Variants in FANCI observed in about 807,000 individuals in gnomAD.
FANCI encodes Fanconi anemia group I protein.
Under a neutral mutation model 176.1 loss-of-function variants are expected in FANCI, and 156 were observed. That is an observed-to-expected ratio of 0.89 (90% CI 0.78 to 1.01). FANCI has a LOEUF of 1.01. FANCI is among the 50% of genes least tolerant of loss of function. FANCI has a pLI of 0.00. For missense variants in FANCI, 1,678 were observed against 1,534.1 expected, an observed-to-expected ratio of 1.09 and a Z score of -1.57; for synonymous variants, 613 against 541.7, an observed-to-expected ratio of 1.13 and a Z score of -1.83.
intron 8 of FANCI, 53 bp downstream of exon 8, chr15:89,264,079 C>G: frequency 6.2e-7 from 1 of 1,603,994 alleles, no homozygotes; most frequent in East Asian, 2.2e-5. Context: ...CCAGTTATGA[C>G]CATTCAACTT....
At chr15:89,303,706 T>C (rs1001683333) in intron 27 of FANCI, among the ~76,000 whole-genome samples, 158 bp from the exon 28 acceptor site, 1 of 152,200 alleles carries the variant, frequency 6.6e-6, no homozygotes, top group African/African-American at 2.4e-5. Context: ...TTGGACTTAT[T>C]TTTATGCCCT....
rs1324852447 is a variant in FANCI at position 89,293,948 on chromosome 15, A to T, written c.2407A>T (p.Ser803Cys). ...KTKMANKTSD[S>C]LLSMKFVSSL... Reference sequence around the variant, plus strand: ...TAAAATGGCCAACAAGACAAGTGATAGTCTTTTGTCCATGAAATTTGTGTC... The same window carrying T: ...TAAAATGGCCAACAAGACAAGTGATTGTCTTTTGTCCATGAAATTTGTGTC... The change falls in exon 23 of 38, where the codon AGT (serine) becomes TGT (cysteine). Residue 803 changes from serine to cysteine, a missense_variant. Around this residue, in one of 3 missense-constraint regions of FANCI, gnomAD observed 1,204 missense variants for 1,077.4 expected, o/e 1.12. Coordinates refer to ENST00000310775, the MANE Select transcript of FANCI (RefSeq NM_001113378.2). 1.2e-6 allele frequency: 2 copies of T among 1,614,154 alleles called. No homozygotes were observed. Among genetic ancestry groups the T allele is most frequent in the Non-Finnish European group, 8.5e-7 (1 of 1,180,016 alleles).
chr15:89,283,147 C>G lies in FANCI; in HGVS notation c.1595C>G (p.Ala532Gly). 14 of 1,614,104 alleles carry G rather than the reference C, an allele frequency of 8.7e-6. No individual in the cohort carries two copies. The highest frequency in any genetic ancestry group is 1.2e-5 in the Non-Finnish European group (14 of 1,179,996). The change falls in exon 17 of 38, where the codon GCC becomes GGC. Residue 532 changes from alanine (A) to glycine (G), a missense_variant. This residue lies in a region of FANCI where 1,204 missense variants were observed against 1,077.4 expected (regional missense o/e 1.12). Coordinates refer to ENST00000310775, the MANE Select transcript of FANCI (RefSeq NM_001113378.2). Reference sequence around the variant, plus strand: ...TATTTCTGAGCTAGCCAGCTTGATGCCCGAAAATCTGCAGTTGCTGGGTTT... The same window carrying G: ...TATTTCTGAGCTAGCCAGCTTGATGGCCGAAAATCTGCAGTTGCTGGGTTT... ...RKAMFANQLD[A>G]RKSAVAGFLL...
At chr15:89,264,104 T>G in intron 8 of FANCI, 78 bp downstream of exon 8, 2 of 1,529,022 alleles carry the variant, frequency 1.3e-6, no homozygotes, top group Non-Finnish European at 1.8e-6. Flanking sequence ...ATACCCTTGG[T>G]TTATATAGCA....
chr15:89,253,263 A>G (rs1214414961), intron 2 of FANCI, among the ~76,000 whole-genome samples: 1 of 152,240 alleles, frequency 6.6e-6, no homozygotes, highest in Non-Finnish European at 1.5e-5. Context: ...CTGGATGGAC[A>G]TTTGGAAAAA....
intron 2 of FANCI, among the ~76,000 whole-genome samples, chr15:89,249,106 C>T (rs2052118919): frequency 6.6e-6 from 1 of 152,132 alleles, no homozygotes; most frequent in South Asian, 2.1e-4. Flanking sequence ...TTGTATGATT[C>T]TGCTGACCGT....
Position 89,293,029 on chromosome 15 carries a change from T to C in FANCI, c.2257T>C (p.Leu753=). ...TCTTGTGATGGGAGTTTGTGAGGTT[T>C]TAATAGAATACAATTTCTCCATAAG... The part of the protein sequence containing the change: ...AFLVMGVCEV[L]IEYNFSISSF... The change falls in exon 22 of 38, where the codon TTA becomes CTA. Residue 753 remains leucine (L), a synonymous_variant. Transcript: ENST00000310775. 1 of 1,614,014 alleles carries C rather than the reference T, an allele frequency of 6.2e-7. No individual in the cohort carries two copies. The highest frequency in any genetic ancestry group is 8.5e-7 in the Non-Finnish European group (1 of 1,179,962).
At position 89,305,206 on chromosome 15, in the gene FANCI, C is replaced by A; in HGVS notation, c.3150C>A (p.Ser1050=). The A allele has an allele frequency of 6.2e-7, 1 of 1,614,132 alleles. No individual in the cohort carries two copies. ...KSPVILLRDL[S]QDIHGHLGDI... Reference sequence around the variant, plus strand: ...CTGTCATTCTGCTGCGTGACTTGTCCCAGGATATCCACGGGCATCTGGGAG... The same window carrying A: ...CTGTCATTCTGCTGCGTGACTTGTCACAGGATATCCACGGGCATCTGGGAG... The change falls in exon 29 of 38, where the codon TCC becomes TCA. Residue 1050 remains serine (S), a synonymous_variant. Coordinates refer to ENST00000310775, the MANE Select transcript of FANCI (RefSeq NM_001113378.2).
At chr15:89,265,651 G>A (rs2052913565) in intron 9 of FANCI, among the ~76,000 whole-genome samples, 1 of 151,988 alleles carries the variant, frequency 6.6e-6, no homozygotes, top group Non-Finnish European at 1.5e-5. Context: ...AGCCTCCTGA[G>A]TAGCTGAGAT....
chr15:89,267,678 A>G (rs2053026725), intron 9 of FANCI, among the ~76,000 whole-genome samples: 1 of 152,120 alleles, frequency 6.6e-6, no homozygotes, highest in Admixed American at 6.5e-5. Context: ...TGTGATCCCA[A>G]CGTTTTGGGA....
chr15:89,313,038 A>C, intron 35 of FANCI, 66 bp downstream of exon 35: 1 of 1,468,780 alleles, frequency 6.8e-7, no homozygotes, highest in Non-Finnish European at 9.5e-7. Flanking sequence ...AAGCGGAAGA[A>C]GCCAGTGACA....
intron 10 of FANCI, among the ~76,000 whole-genome samples, chr15:89,271,499 T>C (rs2053199852): frequency 6.6e-6 from 1 of 152,218 alleles, no homozygotes; most frequent in Non-Finnish European, 1.5e-5. Context: ...TTTCTTTTTA[T>C]TGTTTTGTTT....
intron 13 of FANCI, 104 bp downstream of exon 13, chr15:89,276,995 A>T: frequency 8.5e-7 from 1 of 1,175,182 alleles, no homozygotes; most frequent in Non-Finnish European, 1.3e-6. Context: ...TTGAGTATGT[A>T]TTAGTTTGAC....
Position 89,289,465 on chromosome 15 carries a change from T to C in FANCI, c.1822-748T>C, listed in dbSNP as rs141317483. Among the ~76,000 whole-genome samples, 795 of 152,130 alleles carry C rather than the reference T, an allele frequency of 5.2e-3. 5 individuals are homozygous for C. The highest frequency in any genetic ancestry group is 0.018 in the African/African-American group (761 of 41,488). The stretch of plus-strand genomic sequence containing the variant: ...GATCACAGGCGTGCATCACCATGCC[T>C]GGCTAATTTTTATATTTTTAGTAGA... On this transcript the variant is annotated intron_variant, in intron 18 of 37. Transcript: ENST00000310775.
chr15:89,273,219 C>T (rs867727416), intron 10 of FANCI, among the ~76,000 whole-genome samples, 158 bp from the exon 11 acceptor site: 19 of 150,942 alleles, frequency 1.3e-4, no homozygotes, highest in African/African-American at 4.1e-4. Flanking sequence ...CAGGAGGATC[C>T]GTTGAGCCTG....
chr15:89,265,953 T>C (rs1276875942), intron 9 of FANCI, among the ~76,000 whole-genome samples: 3 of 149,912 alleles, frequency 2.0e-5, no homozygotes, highest in Non-Finnish European at 4.4e-5. Flanking sequence ...ACAAAGAATT[T>C]AGTTAGTTTG....
chr15:89,310,490 G>A (rs549059015), intron 34 of FANCI, among the ~76,000 whole-genome samples: 24 of 152,290 alleles, frequency 1.6e-4, no homozygotes, highest in African/African-American at 5.8e-4. Context: ...ACAGTAATCA[G>A]TTTCATTTCC....
intron 28 of FANCI, 105 bp downstream of exon 28, chr15:89,304,020 A>C: frequency 1.8e-6 from 2 of 1,097,462 alleles, no homozygotes; most frequent in East Asian, 4.8e-5. Context: ...CATTCACCAG[A>C]GTGGCCAAAA....
chr15:89,257,100 G>T (rs1183350299), intron 2 of FANCI, among the ~76,000 whole-genome samples: 1 of 152,074 alleles, frequency 6.6e-6, no homozygotes, highest in Admixed American at 6.6e-5. Context: ...TAGAGACGGG[G>T]TTTCACCGTG....
Sources: allele counts gnomAD v4.1 joint callset (sites outside exome capture counted in the v4.1 genomes callset), GRCh38; gene constraint gnomAD v4.1.1; regional missense constraint gnomAD v4.1.1; transcripts MANE v1.5; gene names NCBI Gene and HGNC (gene_info 2026-07-23, HGNC 2026-07-21).